PRELID2: variants seen among roughly 807,000 people sequenced by gnomAD.
PRELID2 encodes PRELI domain-containing protein 2.
Under a neutral mutation model 28.4 loss-of-function variants are expected in PRELID2, and 25 were observed. The observed-to-expected ratio is 0.88, with a 90% CI of 0.64 to 1.23. The LOEUF (loss-of-function observed/expected upper bound fraction) is 1.23. Ranked by LOEUF, PRELID2 falls within the 50% of genes most tolerant of loss-of-function variation. The pLI is 0.00. For missense variants in PRELID2, 201 were observed against 214.4 expected, an observed-to-expected ratio of 0.94 and a Z score of 0.39; for synonymous variants, 76 against 71.6, an observed-to-expected ratio of 1.06 and a Z score of -0.31.
At chr5:145,365,783 G>A in the PRELID2 span, among the ~76,000 whole-genome samples, 1 of 151,912 alleles carries the variant, frequency 6.6e-6, no homozygotes, top group African/African-American at 2.4e-5. Context: ...TGTAGGACAA[G>A]ATGATCTTTC....
At chr5:145,259,593 C>G in the PRELID2 span, among the ~76,000 whole-genome samples, 1 of 152,198 alleles carries the variant, frequency 6.6e-6, no homozygotes, top group Non-Finnish European at 1.5e-5. Context: ...GAACATGTAG[C>G]CCCTTTCTTT....
At chr5:145,806,606 T>C (rs1256773713) in intron 4 of PRELID2, among the ~76,000 whole-genome samples, 1 of 152,240 alleles carries the variant, frequency 6.6e-6, no homozygotes, top group Non-Finnish European at 1.5e-5. Flanking sequence ...CATAAACCAG[T>C]AACACAGTCA....
the PRELID2 span, among the ~76,000 whole-genome samples, chr5:145,288,725 T>C: frequency 1.3e-5 from 2 of 152,104 alleles, no homozygotes; most frequent in Admixed American, 6.5e-5. Context: ...GTATAAAATA[T>C]TCATGTGCAC....
chr5:145,820,455 T>C (rs972425154), intron 2 of PRELID2, among the ~76,000 whole-genome samples: 2 of 152,070 alleles, frequency 1.3e-5, no homozygotes, highest in Non-Finnish European at 2.9e-5. Context: ...AGTACTCCAA[T>C]GACGATGACC....
chr5:145,352,250 CTG>C, the PRELID2 span, among the ~76,000 whole-genome samples: 1 of 152,232 alleles, frequency 6.6e-6, no homozygotes, highest in Non-Finnish European at 1.5e-5. Flanking sequence ...CTGCAGGAAA[CTG>C]TGGCCTGGAC....
intron 1 of PRELID2, among the ~76,000 whole-genome samples, chr5:145,553,369 T>C (rs948041196): frequency 6.6e-6 from 1 of 152,172 alleles, no homozygotes; most frequent in African/African-American, 2.4e-5. Context: ...GTGACTTCTG[T>C]AAAGGCAGAG....
intron 1 of PRELID2, among the ~76,000 whole-genome samples, chr5:145,559,544 A>G (rs146635657): frequency 2.3e-4 from 35 of 152,306 alleles, no homozygotes; most frequent in Admixed American, 7.8e-4. Flanking sequence ...AATCTATAGC[A>G]ATGCATCTTA....
intron 1 of PRELID2, among the ~76,000 whole-genome samples, chr5:145,737,407 T>A (rs894147397): frequency 1.4e-5 from 2 of 140,382 alleles, no homozygotes; most frequent in Non-Finnish European, 3.1e-5. Flanking sequence ...ACAACTAAAA[T>A]CCCTGGATGT....
chr5:145,815,435 T>C (rs991178636), intron 4 of PRELID2, among the ~76,000 whole-genome samples: 3 of 152,298 alleles, frequency 2.0e-5, no homozygotes, highest in African/African-American at 7.2e-5. Context: ...ACCATAAAAT[T>C]CACCCTTTTA....
chr5:145,757,994 C>T lies in PRELID2; in HGVS notation c.*2542G>A, dbSNP rs943670823. 6.6e-6 allele frequency among the ~76,000 whole-genome samples: 1 copy of T among 152,112 alleles called. No individual in the cohort carries two copies. The highest frequency in any genetic ancestry group is 1.5e-5 in the Non-Finnish European group (1 of 68,018). On this transcript the variant is annotated 3_prime_UTR_variant, in exon 7 of 7. Coordinates refer to ENST00000683046, the MANE Select transcript of PRELID2 (RefSeq NM_205846.3). Reference sequence around the variant, plus strand: ...TAGAGGAGAGGCAGAATAAAACTTACATCCAGAGTACAAAAATGCAAATCC... The same window carrying T: ...TAGAGGAGAGGCAGAATAAAACTTATATCCAGAGTACAAAAATGCAAATCC...
chr5:145,655,382 A>T (rs1754375653), intron 1 of PRELID2, among the ~76,000 whole-genome samples: 1 of 152,204 alleles, frequency 6.6e-6, no homozygotes, highest in Admixed American at 6.5e-5. Flanking sequence ...CTTTCTTCAC[A>T]GAATTGGAAA....
chr5:145,693,441 C>T (rs1478967850), intron 1 of PRELID2, among the ~76,000 whole-genome samples: 2 of 151,072 alleles, frequency 1.3e-5, no homozygotes, highest in East Asian at 3.9e-4. Flanking sequence ...AGCCACTGCA[C>T]CCAACCAGAA....
the PRELID2 span, among the ~76,000 whole-genome samples, chr5:145,384,963 TG>T: frequency 6.6e-6 from 1 of 152,046 alleles, no homozygotes; most frequent in African/African-American, 2.4e-5. Flanking sequence ...AGATTTTGGG[TG>T]GGGACAAATA....
chr5:145,801,519 A>G (rs1327271658), intron 4 of PRELID2, among the ~76,000 whole-genome samples: 2 of 152,194 alleles, frequency 1.3e-5, no homozygotes, highest in Non-Finnish European at 2.9e-5. Context: ...ATTCAGGGTC[A>G]TACTTACTCC....
the PRELID2 span, among the ~76,000 whole-genome samples, chr5:145,361,226 G>C: frequency 1.3e-5 from 2 of 152,290 alleles, no homozygotes; most frequent in Middle Eastern, 3.4e-3. Context: ...AAATGCAACT[G>C]TTTTCTGAGA....
chr5:145,565,119 G>C (rs1752954665), intron 1 of PRELID2, among the ~76,000 whole-genome samples: 2 of 152,198 alleles, frequency 1.3e-5, no homozygotes, highest in African/African-American at 2.4e-5. Flanking sequence ...CAGCCACCCA[G>C]AAGTATTCTT....
the PRELID2 span, chr5:145,440,700 A>G: frequency 1.3e-5 from 2 of 152,200 alleles, no homozygotes; most frequent in South Asian, 4.1e-4. Context: ...CCAACACTCT[A>G]TTCTTAGAGA....
At chr5:145,291,386 A>G in the PRELID2 span, among the ~76,000 whole-genome samples, 1 of 151,014 alleles carries the variant, frequency 6.6e-6, no homozygotes, top group Non-Finnish European at 1.5e-5. Context: ...GGATACAGAC[A>G]TGGAAGAAGT....
chr5:145,736,274 T>C (rs934085042), intron 1 of PRELID2, among the ~76,000 whole-genome samples: 1 of 152,188 alleles, frequency 6.6e-6, no homozygotes, highest in Non-Finnish European at 1.5e-5. Context: ...TTGGTCTTTG[T>C]GCTCTTTAAT....
Sources: gnomAD v4.1 joint callset for allele counts (sites outside exome capture counted in the v4.1 genomes callset) on GRCh38, gnomAD v4.1.1 for gene constraint, MANE v1.5 for transcripts, NCBI Gene and HGNC (gene_info 2026-07-23, HGNC 2026-07-21) for gene names.